GOSR2: variants seen among roughly 807,000 people sequenced by gnomAD.
GOSR2 encodes golgi SNAP receptor complex member 2.
Under a neutral mutation model 27.9 loss-of-function variants are expected in GOSR2, and 20 were observed. The observed-to-expected ratio is 0.72, with a 90% CI of 0.50 to 1.04. GOSR2 has a LOEUF of 1.04. Among genes scored for constraint, GOSR2 ranks in the 50% least tolerant of loss-of-function variants. GOSR2 has a pLI of 0.00. For synonymous variants in GOSR2, 91 were observed against 98.8 expected (o/e 0.92, Z 0.47); for missense variants, 261 against 270.5 (o/e 0.97, Z 0.25).
In GOSR2 at chr17:46,932,064, C is replaced by T. The variant is rs2146911754; in HGVS notation, c.204-3C>T. 1 of 1,613,394 alleles carries T rather than the reference C, an allele frequency of 6.2e-7. No individual in the cohort carries two copies. Among genetic ancestry groups the T allele is most frequent in the East Asian group, 2.2e-5 (1 of 44,878 alleles). On this transcript the variant is annotated splice_region_variant and splice_polypyrimidine_tract_variant and intron_variant, in intron 3 of 5. Transcript: ENST00000640051. ...ATTTAATCTCTCTCTCCATCAATTC[C>T]AGTCGGGTTGACCAGTTAAAGTATG...
chr17:46,974,724 ACTCT>A (rs1317708998), intron 6 of GOSR2, among the ~76,000 whole-genome samples: 3 of 109,026 alleles, frequency 2.8e-5, no homozygotes, highest in Admixed American at 1.0e-4. Context: ...ACAGAGCAAG[ACTCT>A]CTCTCAAAAA....
At chr17:46,973,269 CAT>C (rs1315112939) in intron 6 of GOSR2, among the ~76,000 whole-genome samples, 1 of 151,856 alleles carries the variant, frequency 6.6e-6, no homozygotes, top group Non-Finnish European at 1.5e-5. Flanking sequence ...ATGACAATCT[CAT>C]ATGACAGCTG....
At chr17:46,928,530 G>A (rs549914539) in intron 1 of GOSR2, among the ~76,000 whole-genome samples, 1 of 152,156 alleles carries the variant, frequency 6.6e-6, no homozygotes, top group Non-Finnish European at 1.5e-5. Flanking sequence ...CCATTAGGAA[G>A]GGGGTCTTAA....
intron 6 of GOSR2, among the ~76,000 whole-genome samples, chr17:46,959,336 C>A (rs1599217707): frequency 6.6e-6 from 1 of 152,200 alleles, no homozygotes; most frequent in Non-Finnish European, 1.5e-5. Context: ...ATAAATCCAA[C>A]CCCGTTCCCC....
intron 5 of GOSR2, chr17:46,935,466 A>C: frequency 7.3e-7 from 1 of 1,374,630 alleles, no homozygotes; most frequent in Non-Finnish European, 9.4e-7. Flanking sequence ...GGGTCCAATC[A>C]CAGGCTGAGA....
chr17:46,939,284 T>G lies in GOSR2; in HGVS notation c.*524T>G. 6 of 1,024,440 alleles carry G rather than the reference T, an allele frequency of 5.9e-6. No homozygotes were observed. Among genetic ancestry groups the G allele is most frequent in the Non-Finnish European group, 7.0e-6 (6 of 851,216 alleles). The allele number at this position is 1,024,440 out of a possible 1,614,324, so 63.5% of individuals were successfully genotyped here. A position where few individuals can be genotyped will look rare whatever the true frequency, so the allele number is the denominator to read the frequency against. ...CCCTCCCCTGTGCCTCAGTGACATG[T>G]AGATGACTGACTGCCAATACTTGTC... On this transcript the variant is annotated 3_prime_UTR_variant, in exon 6 of 6. Transcript: ENST00000640051.
chr17:46,930,047 A>C (rs149432692), intron 2 of GOSR2: 42 of 124,104 alleles, frequency 3.4e-4, no homozygotes, highest in East Asian at 4.6e-4. Context: ...GTTTTTTTTC[A>C]TTTTTTTTTT....
At chr17:46,931,939 G>C (rs2087454630) in intron 3 of GOSR2, 128 bp from the exon 4 acceptor site, 1 of 806,208 alleles carries the variant, frequency 1.2e-6, no homozygotes, top group African/African-American at 1.7e-5. Context: ...TTGTGGTGAG[G>C]GGGTATAGTG....
At chr17:46,974,629 G>A (rs2091428078) in intron 6 of GOSR2, among the ~76,000 whole-genome samples, 1 of 152,074 alleles carries the variant, frequency 6.6e-6, no homozygotes, top group Non-Finnish European at 1.5e-5. Context: ...AGCTACTCGG[G>A]AGGCTGAGGC....
intron 3 of GOSR2, 46 bp from the exon 4 acceptor site, chr17:46,932,021 C>T: frequency 6.3e-7 from 1 of 1,596,666 alleles, no homozygotes; most frequent in Non-Finnish European, 8.6e-7. Context: ...TCAGATTCTG[C>T]TGCCCTGAGT....
chr17:46,937,322 T>C (rs994884378), intron 5 of GOSR2: 2 of 152,234 alleles, frequency 1.3e-5, no homozygotes, highest in Admixed American at 6.5e-5. Context: ...TCAAAGATTG[T>C]ACTCTACAAA....
intron 4 of GOSR2, 99 bp downstream of exon 4, chr17:46,932,298 A>G: frequency 7.1e-7 from 1 of 1,402,192 alleles, no homozygotes; most frequent in Non-Finnish European, 1.0e-6. Flanking sequence ...GTGTCTGAAG[A>G]AGACTGATGA....
intron 2 of GOSR2, chr17:46,930,649 T>C (rs890672215): frequency 1.8e-5 from 2 of 112,786 alleles, no homozygotes; most frequent in Non-Finnish European, 3.3e-5. Context: ...CCTTCCTTTA[T>C]GCTTTTTTTT....
chr17:46,974,275 C>T (rs891091948), intron 6 of GOSR2, among the ~76,000 whole-genome samples: 1 of 151,920 alleles, frequency 6.6e-6, no homozygotes, highest in Non-Finnish European at 1.5e-5. Context: ...ATCCGTTGCT[C>T]ACCCAGTGCC....
At chr17:46,944,741 A>G (rs908885842), downstream of GOSR2, among the ~76,000 whole-genome samples, 5 of 151,670 alleles carry the variant, frequency 3.3e-5, no homozygotes, top group African/African-American at 1.2e-4. Context: ...CTAGGATTAC[A>G]GGCACCCACT....
intron 6 of GOSR2, among the ~76,000 whole-genome samples, chr17:46,953,927 T>G (rs374260287): frequency 2.0e-5 from 3 of 152,178 alleles, no homozygotes; most frequent in African/African-American, 4.8e-5. Context: ...TGTAGATTCT[T>G]GATATTAGCC....
At chr17:46,933,941 CA>C (rs4060607) in intron 4 of GOSR2, among the ~76,000 whole-genome samples, 91,326 of 144,166 alleles carry the variant, frequency 0.63, 28,736 homozygotes, top group Middle Eastern at 0.68. Flanking sequence ...GAGCCTGTCT[CA>C]AAAAAAAAAA....
At chr17:46,946,576 T>C (rs1568197323), downstream of GOSR2, among the ~76,000 whole-genome samples, 1 of 150,776 alleles carries the variant, frequency 6.6e-6, no homozygotes, top group African/African-American at 2.4e-5. Flanking sequence ...TTAATAATTA[T>C]GAGAGGCCAG....
rs535191147 is a variant in GOSR2, at chr17:46,931,178, G to T, written c.174G>T (p.Glu58Asp). The T allele has an allele frequency of 3.1e-6, 5 of 1,600,200 alleles. No homozygotes were observed. The African/African-American group carries it at 5.3e-5, about 17-fold the overall frequency. ...LERLEILSSK[E>D]PPNKRQNARL... ...GTCTGGAGATTTTGTCCAGCAAGGAGCCCCCTAACAAAAGGCAAAATGCCA... is the reference window on the plus strand; with the variant it reads ...GTCTGGAGATTTTGTCCAGCAAGGATCCCCCTAACAAAAGGCAAAATGCCA... Residue 58 changes from glutamate (E) to aspartate (D), a missense_variant, in exon 3 of 6, where the codon GAG (glutamate) becomes GAT (aspartate). Coordinates refer to ENST00000640051, the MANE Select transcript of GOSR2 (RefSeq NM_004287.5).
Sources: gnomAD v4.1 joint callset for allele counts (sites outside exome capture counted in the v4.1 genomes callset) on GRCh38, gnomAD v4.1.1 for gene constraint, MANE v1.5 for transcripts, NCBI Gene and HGNC (gene_info 2026-07-23, HGNC 2026-07-21) for gene names.